The following CADPS2 variants were observed in gnomAD, a reference collection of about 807,000 sequenced individuals.
CADPS2 encodes the protein calcium-dependent secretion activator 2.
In CADPS2, 93 loss-of-function variants were observed where a neutral mutation model predicts 172.5. That is an observed-to-expected ratio of 0.54 (90% confidence interval 0.46 to 0.64). The LOEUF is 0.64. Among genes scored for constraint, CADPS2 ranks in the 30% least tolerant of loss-of-function variants. The pLI, the probability that CADPS2 is intolerant of heterozygous loss-of-function variation, is 0.00. For missense variants in CADPS2, 1,420 were observed against 1,565.9 expected, an observed-to-expected ratio of 0.91 and a Z score of 1.57; for synonymous variants, 546 against 555.2, an observed-to-expected ratio of 0.98 and a Z score of 0.23.
At chr7:122,386,236 C>T (rs2043653861) in intron 24 of CADPS2, 3 of 1,116,712 alleles carry the variant, frequency 2.7e-6, no homozygotes, top group Admixed American at 3.3e-5. Flanking sequence ...AAAAAATATA[C>T]ATTTACAAAA....
At chr7:122,450,085 A>G (rs561171895) in intron 15 of CADPS2, among the ~76,000 whole-genome samples, 88 of 152,330 alleles carry the variant, frequency 5.8e-4, no homozygotes, top group African/African-American at 2.0e-3. Context: ...TAATGAGGCA[A>G]TAACAGATCA....
chr7:122,587,199 A>C (rs558142640), intron 6 of CADPS2, among the ~76,000 whole-genome samples: 34 of 151,702 alleles, frequency 2.2e-4, no homozygotes, highest in African/African-American at 8.2e-4. Flanking sequence ...TGCTGCGCCT[A>C]TCAACACATC....
At chr7:122,637,533 T>G (rs1158809013) in intron 3 of CADPS2, among the ~76,000 whole-genome samples, 1 of 152,178 alleles carries the variant, frequency 6.6e-6, no homozygotes, top group Non-Finnish European at 1.5e-5. Flanking sequence ...TTCTTTAAAA[T>G]AGCTATTTTG....
chr7:122,542,786 C>T, intron 8 of CADPS2, among the ~76,000 whole-genome samples: 1 of 152,002 alleles, frequency 6.6e-6, no homozygotes, highest in East Asian at 1.9e-4. Flanking sequence ...CCGGTTTTAT[C>T]ATCTTCCCTT....
chr7:122,378,917 G>T (rs2151342670), intron 25 of CADPS2: 1 of 154,110 alleles, frequency 6.5e-6, no homozygotes, highest in South Asian at 2.0e-4. Flanking sequence ...CATCAAATTG[G>T]AAATCCTGGG....
intron 2 of CADPS2, among the ~76,000 whole-genome samples, chr7:122,712,377 A>G (rs569545092): frequency 1.3e-5 from 2 of 152,266 alleles, no homozygotes; most frequent in African/African-American, 4.8e-5. Flanking sequence ...CAATCTAAGA[A>G]CCATCTATTC....
At chr7:122,666,734 GA>G (rs1439789316) in intron 2 of CADPS2, among the ~76,000 whole-genome samples, 1 of 152,130 alleles carries the variant, frequency 6.6e-6, no homozygotes, top group Non-Finnish European at 1.5e-5. Flanking sequence ...CTTCTTACCT[GA>G]AGGCATGTGG....
At chr7:122,542,354 C>A (rs1429021965) in intron 8 of CADPS2, among the ~76,000 whole-genome samples, 2 of 152,066 alleles carry the variant, frequency 1.3e-5, no homozygotes, top group Non-Finnish European at 2.9e-5. Context: ...TACAAACACA[C>A]CTAACACTCT....
At chr7:122,708,781 C>T (rs528466381) in intron 2 of CADPS2, among the ~76,000 whole-genome samples, 1 of 151,614 alleles carries the variant, frequency 6.6e-6, no homozygotes, top group South Asian at 2.1e-4. Context: ...ATTCAGTCTA[C>T]CGATTTAGAA....
chr7:122,504,125 T>C (rs945116218), intron 9 of CADPS2, among the ~76,000 whole-genome samples: 2 of 152,216 alleles, frequency 1.3e-5, no homozygotes, highest in African/African-American at 2.4e-5. Flanking sequence ...TTCATACTTA[T>C]TTTTGACAAG....
chr7:122,697,875 T>C (rs2085363852), intron 2 of CADPS2: 1 of 1,613,304 alleles, frequency 6.2e-7, no homozygotes, highest in Non-Finnish European at 8.5e-7. Context: ...CATGGATTAC[T>C]TTATCTGAGG....
At chr7:122,634,640 G>A (rs2076888925) in intron 3 of CADPS2, among the ~76,000 whole-genome samples, 1 of 152,046 alleles carries the variant, frequency 6.6e-6, no homozygotes, top group Admixed American at 6.6e-5. Context: ...TTTTTTGTAT[G>A]AACTTTTACA....
chr7:122,770,423 G>C (rs2093674832), intron 1 of CADPS2, among the ~76,000 whole-genome samples: 1 of 151,924 alleles, frequency 6.6e-6, no homozygotes, highest in Non-Finnish European at 1.5e-5. Context: ...CAGTGAGAAG[G>C]ATCACCTTCC....
Position 122,393,535 on chromosome 7 carries a change from C to T in CADPS2, c.2794G>A (p.Val932Ile), listed in dbSNP as rs370785550. ...KFHKHLQEIF[V>I]PLVVRYVDLM... ...TCCACATAGCGGACAACCAAGGGTA[C>T]AAAGATTTCTTGCAAGTGTTTGTGA... Residue 932 changes from valine to isoleucine, a missense_variant, in exon 21 of 30, where the codon GTA (valine) becomes ATA (isoleucine). Coordinates refer to ENST00000449022, the MANE Select transcript of CADPS2 (RefSeq NM_017954.11). The T allele has an allele frequency of 2.7e-5, 44 of 1,613,738 alleles. No homozygotes were observed. The East Asian group carries it at 3.6e-4, about 13-fold the overall frequency.
intron 11 of CADPS2, among the ~76,000 whole-genome samples, chr7:122,485,637 T>C (rs2057732412): frequency 6.6e-6 from 1 of 152,208 alleles, no homozygotes; most frequent in Non-Finnish European, 1.5e-5. Flanking sequence ...CAAGGGTTGA[T>C]GCAGAAATGG....
chr7:122,533,707 T>C lies in CADPS2; in HGVS notation c.1476-20392A>G, dbSNP rs1393188755. The stretch of plus-strand genomic sequence containing the variant: ...TAATAAAAAAAGCAATTGACCTAAG[T>C]AGAAGAGCTAATTACATGGAGTAAG... On this transcript the variant is annotated intron_variant, in intron 8 of 29. Transcript: ENST00000449022. 2.6e-5 allele frequency among the ~76,000 whole-genome samples: 4 copies of C among 152,294 alleles called. No individual in the cohort carries two copies. In the East Asian group the frequency reaches 7.7e-4, roughly 29 times the overall value.
At chr7:122,381,295 C>A (rs183069859) in intron 24 of CADPS2, among the ~76,000 whole-genome samples, 4 of 152,068 alleles carry the variant, frequency 2.6e-5, no homozygotes, top group Non-Finnish European at 4.4e-5. Context: ...TTAAATGCCA[C>A]GTGATACACC....
At chr7:122,846,196 A>C (rs1422765505) in intron 1 of CADPS2, among the ~76,000 whole-genome samples, 1 of 152,226 alleles carries the variant, frequency 6.6e-6, no homozygotes, top group Non-Finnish European at 1.5e-5. Flanking sequence ...AAGGTATTAC[A>C]AAATCTAGTA....
intron 1 of CADPS2, among the ~76,000 whole-genome samples, chr7:122,827,668 G>T (rs1159035848): frequency 6.6e-6 from 1 of 151,000 alleles, no homozygotes; most frequent in East Asian, 1.9e-4. Flanking sequence ...AAAAGAATTA[G>T]CTACAATTCT....
Sources: allele counts gnomAD v4.1 joint callset (sites outside exome capture counted in the v4.1 genomes callset), GRCh38; gene constraint gnomAD v4.1.1; transcripts MANE v1.5; gene names NCBI Gene and HGNC (gene_info 2026-07-23, HGNC 2026-07-21).